GABRG1: variants seen among roughly 807,000 people sequenced by gnomAD.
The protein encoded by GABRG1 is gamma-aminobutyric acid receptor subunit gamma-1.
GABRG1 carries 49 observed loss-of-function variants against 49.8 expected under a neutral mutation model. The observed-to-expected ratio is 0.98, with a 90% CI of 0.78 to 1.25. GABRG1 has a LOEUF of 1.25. Ranked by LOEUF, GABRG1 falls within the 50% of genes most tolerant of loss-of-function variation. GABRG1 has a pLI of 0.00. For missense variants in GABRG1, 552 were observed against 552.3 expected, an observed-to-expected ratio of 1.00 and a Z score of 0.01; for synonymous variants, 232 against 185.1, an observed-to-expected ratio of 1.25 and a Z score of -2.06.
Position 46,053,057 on chromosome 4 carries a change from G to A in GABRG1, c.917-1419C>T, listed in dbSNP as rs148416524. Among the ~76,000 whole-genome samples, 422 of 151,042 alleles carry A rather than the reference G, an allele frequency of 2.8e-3. 2 individuals carry two copies. The highest frequency in any genetic ancestry group is 8.9e-3 in the African/African-American group (368 of 41,238). ...GTTTTTCAACTCCTTTGTGCCTCTC[G>A]TTTAAAAAAAACAAACACAGTAATA... On this transcript the variant is annotated intron_variant, in intron 7 of 8. Transcript: ENST00000295452.
At chr4:46,093,207 A>C (rs1393905962) in intron 2 of GABRG1, among the ~76,000 whole-genome samples, 1 of 152,086 alleles carries the variant, frequency 6.6e-6, no homozygotes, top group African/African-American at 2.4e-5. Flanking sequence ...ACTGCTATTC[A>C]ACAGAAGGTG....
At chr4:46,094,991 G>A (rs552406308) in intron 2 of GABRG1, among the ~76,000 whole-genome samples, 2 of 151,664 alleles carry the variant, frequency 1.3e-5, no homozygotes, top group South Asian at 2.1e-4. Context: ...CAAAAATTTA[G>A]GAATAAGAAA....
chr4:46,052,996 C>G (rs1718289690), intron 7 of GABRG1, among the ~76,000 whole-genome samples: 1 of 151,782 alleles, frequency 6.6e-6, no homozygotes, highest in Non-Finnish European at 1.5e-5. Context: ...TAGGTTTAAT[C>G]TCTGACTCTT....
chr4:46,051,517 T>C lies in GABRG1; in HGVS notation c.1038A>G (p.Ala346=). 2 of 1,611,510 alleles carry C rather than the reference T, an allele frequency of 1.2e-6. No individual in the cohort carries two copies. Among genetic ancestry groups the C allele is most frequent in the Non-Finnish European group, 1.7e-6 (2 of 1,178,554 alleles). ...GCAAGGTTCCATATTCCATCAAGGC[T>C]GCAAAAACAAAAATGAAACAAACAG... is the stretch of plus-strand genomic sequence containing the variant. The part of the protein sequence containing the change: ...FVSVCFIFVF[A]ALMEYGTLHY... Residue 346 remains alanine, a synonymous_variant, in exon 8 of 9, where the codon GCA becomes GCG. Transcript: ENST00000295452.
In GABRG1 at chr4:46,045,151, A is replaced by C. The variant is rs139776979; in HGVS notation, c.1132-3897T>G. 1.1e-4 allele frequency among the ~76,000 whole-genome samples: 17 copies of C among 152,240 alleles called. No homozygotes were observed. In the South Asian group the frequency reaches 2.7e-3, roughly 24 times the overall value. On this transcript the variant is annotated intron_variant, in intron 8 of 8. Coordinates refer to ENST00000295452, the MANE Select transcript of GABRG1 (RefSeq NM_173536.4). ...ATGAACAGCTGGAATTACTGATTCT[A>C]ATATTTTAGGAAATATGAGAAAATA... is the stretch of plus-strand genomic sequence containing the variant.
At chr4:46,118,762 G>A (rs1213847471) in intron 1 of GABRG1, among the ~76,000 whole-genome samples, 1 of 150,874 alleles carries the variant, frequency 6.6e-6, no homozygotes, top group African/African-American at 2.4e-5. Context: ...ACTTCAGCTG[G>A]CTAAATTATT....
chr4:46,073,771 G>A (rs893901809), intron 3 of GABRG1, among the ~76,000 whole-genome samples: 4 of 151,904 alleles, frequency 2.6e-5, no homozygotes, highest in African/African-American at 7.2e-5. Context: ...GATAAATTAC[G>A]CACAATAAGA....
chr4:46,050,573 A>C (rs1684271902), intron 8 of GABRG1, among the ~76,000 whole-genome samples: 1 of 151,974 alleles, frequency 6.6e-6, no homozygotes, highest in African/African-American at 2.4e-5. Flanking sequence ...GCATTTACTA[A>C]ATTAAATGTT....
intron 8 of GABRG1, among the ~76,000 whole-genome samples, chr4:46,047,883 A>C (rs1718064599): frequency 6.6e-6 from 1 of 152,064 alleles, no homozygotes; most frequent in African/African-American, 2.4e-5. Context: ...CCCTGAAAGC[A>C]AAGAACACAT....
rs1483300011 is a variant in GABRG1, at chr4:46,039,842, C to T, written c.*1146G>A. On this transcript the variant is annotated 3_prime_UTR_variant, in exon 9 of 9. Transcript: ENST00000295452. ...CTCTTTAACATGATTTTGAGGCTGC[C>T]CCCAGTTTCTAGAAAAAAAAAAGAA... 1 of 151,266 alleles carries T rather than the reference C, an allele frequency of 6.6e-6. No homozygotes were observed. Among genetic ancestry groups the T allele is most frequent in the Non-Finnish European group, 1.5e-5 (1 of 67,682 alleles). 9.4% of individuals were successfully genotyped at this position (151,266 alleles called of 1,614,324 possible).
chr4:46,109,388 T>C, intron 1 of GABRG1, among the ~76,000 whole-genome samples: 1 of 151,080 alleles, frequency 6.6e-6, no homozygotes, highest in Non-Finnish European at 1.5e-5. Flanking sequence ...TTTCTGATTG[T>C]GCTTATTTGG....
intron 1 of GABRG1, among the ~76,000 whole-genome samples, chr4:46,118,104 G>A (rs111786688): frequency 1.5e-5 from 2 of 135,426 alleles, no homozygotes; most frequent in African/African-American, 6.1e-5. Context: ...ACATATGTGT[G>A]TATATATACA....
rs540821597 is a variant in GABRG1, at chr4:46,068,716, T to TA, written c.322-3133dup. 1.2e-3 allele frequency among the ~76,000 whole-genome samples: 185 copies of TA among 151,542 alleles called. 1 individual carries two copies. The highest frequency in any genetic ancestry group is 2.9e-3 in the African/African-American group (119 of 41,362). On this transcript the variant is annotated intron_variant, in intron 3 of 8. Coordinates refer to ENST00000295452, the MANE Select transcript of GABRG1 (RefSeq NM_173536.4). ...AAAATCTATGCCATGTTACACGTAATAAAAAAAAATCCAGTTTTGTATTAG... is the reference window on the plus strand; with the variant it reads ...AAAATCTATGCCATGTTACACGTAATAAAAAAAAAATCCAGTTTTGTATTAG...
intron 5 of GABRG1, among the ~76,000 whole-genome samples, chr4:46,063,529 A>C (rs1277969344): frequency 1.3e-5 from 2 of 152,188 alleles, no homozygotes; most frequent in Non-Finnish European, 2.9e-5. Context: ...CTTATACAAA[A>C]ATTAATTCAA....
At chr4:46,078,843 C>T (rs1219819472) in intron 3 of GABRG1, among the ~76,000 whole-genome samples, 2 of 151,820 alleles carry the variant, frequency 1.3e-5, no homozygotes, top group Non-Finnish European at 2.9e-5. Flanking sequence ...AATTTTTTGA[C>T]ACTTCAAGAT....
In GABRG1 at chr4:46,065,521, T is replaced by C. The variant is rs1718877250; in HGVS notation, c.385A>G (p.Thr129Ala). Residue 129 changes from threonine to alanine, a missense_variant, in exon 4 of 9, where the codon ACC becomes GCC. Transcript: ENST00000295452. Reference sequence around the variant, plus strand: ...CTGTTAAGCATAAGCACTTTCATGGTACTATTGAATTTTAAACGACTGTCA... The same window carrying C: ...CTGTTAAGCATAAGCACTTTCATGGCACTATTGAATTTTAAACGACTGTCA... ...WFDSRLKFNS[T>A]MKVLMLNSNM... 1 of 1,609,260 alleles carries C rather than the reference T, an allele frequency of 6.2e-7. No individual in the cohort carries two copies.
intron 1 of GABRG1, among the ~76,000 whole-genome samples, chr4:46,115,957 T>C (rs1720871437): frequency 6.6e-6 from 1 of 150,868 alleles, no homozygotes; most frequent in South Asian, 2.1e-4. Flanking sequence ...AAGACAATTA[T>C]AAAACAGATT....
chr4:46,080,491 T>C lies in GABRG1; in HGVS notation c.321+3495A>G, dbSNP rs1719523117. 3.9e-5 allele frequency among the ~76,000 whole-genome samples: 6 copies of C among 152,002 alleles called. No homozygotes were observed. In the South Asian group the frequency reaches 1.2e-3, roughly 31 times the overall value. Reference sequence around the variant, plus strand: ...TCTTTTATTTGTTTATTTTCACCTGTTTTAGTATCACTAGTTTCAATAGCA... The same window carrying C: ...TCTTTTATTTGTTTATTTTCACCTGCTTTAGTATCACTAGTTTCAATAGCA... On this transcript the variant is annotated intron_variant, in intron 3 of 8. Coordinates refer to ENST00000295452, the MANE Select transcript of GABRG1 (RefSeq NM_173536.4).
chr4:46,089,069 C>A (rs558948532), intron 2 of GABRG1, among the ~76,000 whole-genome samples: 1 of 151,810 alleles, frequency 6.6e-6, no homozygotes, highest in Non-Finnish European at 1.5e-5. Flanking sequence ...GTATAAAGCA[C>A]GCCAAAAGAA....
Sources: gnomAD v4.1 joint callset for allele counts (sites outside exome capture counted in the v4.1 genomes callset) on GRCh38, gnomAD v4.1.1 for gene constraint, MANE v1.5 for transcripts, NCBI Gene and HGNC (gene_info 2026-07-23, HGNC 2026-07-21) for gene names.